KCNQ5: variants seen among roughly 807,000 people sequenced by gnomAD.
KCNQ5 encodes potassium voltage-gated channel subfamily KQT member 5.
KCNQ5 carries 30 observed loss-of-function variants against 98.2 expected under a neutral mutation model. That is an observed-to-expected ratio of 0.31 (90% CI 0.23 to 0.41). The LOEUF is 0.41. KCNQ5 is among the 10% of genes least tolerant of loss of function. The pLI, the probability that KCNQ5 is intolerant of heterozygous loss-of-function variation, is 1.00. For synonymous variants in KCNQ5, 458 were observed against 449.4 expected, an observed-to-expected ratio of 1.02 and a Z score of -0.24; for missense variants, 835 against 1,182.5, an observed-to-expected ratio of 0.71 and a Z score of 4.31.
At chr6:73,071,745 C>G (rs757645937) in intron 3 of KCNQ5, among the ~76,000 whole-genome samples, 1 of 152,092 alleles carries the variant, frequency 6.6e-6, no homozygotes, top group Non-Finnish European at 1.5e-5. Context: ...AGGACGGTAC[C>G]AAGCCATTCA....
chr6:73,149,426 A>C (rs906997623), intron 10 of KCNQ5, among the ~76,000 whole-genome samples: 1 of 152,226 alleles, frequency 6.6e-6, no homozygotes, highest in Non-Finnish European at 1.5e-5. Flanking sequence ...TTTTAGAAAA[A>C]AAGTAAGAGA....
At chr6:72,829,063 A>C (rs958518599) in intron 1 of KCNQ5, among the ~76,000 whole-genome samples, 9 of 152,132 alleles carry the variant, frequency 5.9e-5, no homozygotes, top group African/African-American at 2.2e-4. Flanking sequence ...TGACACGTTC[A>C]TGATAAACCA....
At chr6:73,188,949 C>T (rs190609013) in intron 11 of KCNQ5, among the ~76,000 whole-genome samples, 3 of 140,884 alleles carry the variant, frequency 2.1e-5, no homozygotes, top group Admixed American at 1.5e-4. Context: ...TGCCATTGCA[C>T]TCCAGCCTGG....
intron 10 of KCNQ5, among the ~76,000 whole-genome samples, chr6:73,165,293 ACTC>A: frequency 6.6e-6 from 1 of 151,894 alleles, no homozygotes; most frequent in Non-Finnish European, 1.5e-5. Context: ...CTGTACTGGG[ACTC>A]CTGATAAAGT....
chr6:73,189,343 G>A (rs1265257418), intron 11 of KCNQ5, among the ~76,000 whole-genome samples: 1 of 152,214 alleles, frequency 6.6e-6, no homozygotes, highest in Non-Finnish European at 1.5e-5. Flanking sequence ...GAATATTACA[G>A]ATAAATGATT....
At chr6:72,926,808 G>C (rs1247521709) in intron 1 of KCNQ5, among the ~76,000 whole-genome samples, 1 of 152,064 alleles carries the variant, frequency 6.6e-6, no homozygotes, top group African/African-American at 2.4e-5. Context: ...ATGTTTATTT[G>C]ATAATATGTA....
chr6:73,030,864 T>C (rs1385350999), intron 2 of KCNQ5, among the ~76,000 whole-genome samples: 2 of 152,208 alleles, frequency 1.3e-5, no homozygotes, highest in Non-Finnish European at 2.9e-5. Flanking sequence ...TTTCACATTC[T>C]ACCAACAAGC....
At chr6:72,826,552 C>G (rs1481517791) in intron 1 of KCNQ5, among the ~76,000 whole-genome samples, 1 of 151,380 alleles carries the variant, frequency 6.6e-6, no homozygotes, top group Admixed American at 6.6e-5. Context: ...CTGCTATAAT[C>G]TTCTTTTTTT....
chr6:72,655,123 G>T, intron 1 of KCNQ5, among the ~76,000 whole-genome samples: 1 of 130,136 alleles, frequency 7.7e-6, no homozygotes, highest in Non-Finnish European at 1.6e-5. Context: ...TCTCAGAAAA[G>T]AAAAAACAAG....
intron 1 of KCNQ5, among the ~76,000 whole-genome samples, chr6:72,680,926 G>T (rs1380065222): frequency 1.3e-5 from 2 of 152,100 alleles, no homozygotes; most frequent in Admixed American, 6.6e-5. Context: ...CTTTTAAGTG[G>T]GTGTTTAGCA....
intron 1 of KCNQ5, among the ~76,000 whole-genome samples, chr6:72,917,834 G>A (rs557608134): frequency 1.3e-5 from 2 of 152,066 alleles, no homozygotes; most frequent in South Asian, 2.1e-4. Context: ...GAAGCCTGCC[G>A]CCCACTCCCT....
intron 1 of KCNQ5, among the ~76,000 whole-genome samples, chr6:72,624,748 AT>A (rs2098917212): frequency 6.6e-6 from 1 of 152,228 alleles, no homozygotes; most frequent in African/African-American, 2.4e-5. Flanking sequence ...TGCCTCAGCA[AT>A]TAGATAGGGG....
rs577442467 is a variant in KCNQ5, at chr6:72,735,985, C to T, written c.398+113398C>T. ...TATAGCTAGTGTAGCAATTTCAAAA[C>T]TGGATATTTATTTTATTTTTGTTTC... On this transcript the variant is annotated intron_variant, in intron 1 of 13. Transcript: ENST00000370398. Among the ~76,000 whole-genome samples, 30 of 151,954 alleles carry T rather than the reference C, an allele frequency of 2.0e-4. No homozygotes were observed. The South Asian group carries it at 4.6e-3, about 23-fold the overall frequency.
chr6:72,810,672 G>A (rs892351474), intron 1 of KCNQ5, among the ~76,000 whole-genome samples: 1 of 152,198 alleles, frequency 6.6e-6, no homozygotes, highest in Non-Finnish European at 1.5e-5. Context: ...AGTAAGAGGA[G>A]GGGAAAAGTC....
chr6:73,031,975 T>A (rs931599077), intron 2 of KCNQ5, among the ~76,000 whole-genome samples: 1 of 152,100 alleles, frequency 6.6e-6, no homozygotes, highest in African/African-American at 2.4e-5. Flanking sequence ...ATTCTGAAAG[T>A]TCTCTAAGAA....
intron 8 of KCNQ5, among the ~76,000 whole-genome samples, chr6:73,122,455 G>GTGGA (rs760312853): frequency 5.3e-5 from 8 of 152,172 alleles, no homozygotes; most frequent in Non-Finnish European, 1.0e-4. Context: ...TTAAGTGGGG[G>GTGGA]TGGAGGTGGA....
chr6:72,950,773 T>C (rs1435691727), intron 1 of KCNQ5, among the ~76,000 whole-genome samples: 1 of 152,178 alleles, frequency 6.6e-6, no homozygotes, highest in Middle Eastern at 3.2e-3. Context: ...TCTAAGAATA[T>C]GTTTTCATAA....
At chr6:72,855,501 C>T (rs1212867580) in intron 1 of KCNQ5, among the ~76,000 whole-genome samples, 1 of 152,034 alleles carries the variant, frequency 6.6e-6, no homozygotes, top group Non-Finnish European at 1.5e-5. Flanking sequence ...TTTTATACAC[C>T]ACAGTCCATT....
At chr6:72,987,231 A>G in intron 1 of KCNQ5, 2 of 691,926 alleles carry the variant, frequency 2.9e-6, no homozygotes, top group Non-Finnish European at 5.5e-6. Flanking sequence ...GAACAAGAGG[A>G]AAGAGAGTGG....
Sources: gnomAD v4.1 joint callset for allele counts (sites outside exome capture counted in the v4.1 genomes callset) on GRCh38, gnomAD v4.1.1 for gene constraint, MANE v1.5 for transcripts, NCBI Gene and HGNC (gene_info 2026-07-23, HGNC 2026-07-21) for gene names.